Variants in CDK14 observed in about 807,000 individuals in gnomAD.
CDK14 encodes the protein cyclin-dependent kinase 14.
In CDK14, 34 loss-of-function variants were observed where a neutral mutation model predicts 60.7. The observed-to-expected ratio is 0.56, with a 90% CI of 0.43 to 0.75. CDK14 has a LOEUF of 0.75. CDK14 is among the 30% of genes least tolerant of loss of function. CDK14 has a pLI of 0.00. For synonymous variants in CDK14, 197 were observed against 203.7 expected (o/e 0.97, Z 0.28); for missense variants, 482 against 564.1 (o/e 0.85, Z 1.47).
chr7:90,832,487 A>G (rs1789945719), intron 5 of CDK14, among the ~76,000 whole-genome samples: 1 of 152,154 alleles, frequency 6.6e-6, no homozygotes, highest in African/African-American at 2.4e-5. Context: ...ACATTAGACA[A>G]TTTAGTTTTT....
chr7:90,659,779 A>G (rs944157401), intron 2 of CDK14, among the ~76,000 whole-genome samples: 15 of 152,010 alleles, frequency 9.9e-5, no homozygotes, highest in Middle Eastern at 6.8e-3. Context: ...AGTAATTCAG[A>G]AAGAGCTCAG....
chr7:90,730,352 A>G (rs906119909), intron 3 of CDK14, among the ~76,000 whole-genome samples: 123 of 152,162 alleles, frequency 8.1e-4, no homozygotes, highest in African/African-American at 2.8e-3. Context: ...ATGATTTACA[A>G]TCCTTTGGGT....
intron 7 of CDK14, among the ~76,000 whole-genome samples, chr7:90,903,789 G>A (rs938390112): frequency 6.6e-6 from 1 of 152,206 alleles, no homozygotes; most frequent in African/African-American, 2.4e-5. Context: ...ATTATACATT[G>A]TATGATTGTA....
chr7:90,807,186 C>CAGA (rs1788882029), intron 5 of CDK14, among the ~76,000 whole-genome samples: 1 of 152,200 alleles, frequency 6.6e-6, no homozygotes, highest in African/African-American at 2.4e-5. Flanking sequence ...GGGTCCCTGA[C>CAGA]CCCCGAGTAG....
rs1396571764 is a variant in CDK14 at position 90,744,712 on chromosome 7, G to A, written c.370-2969G>A. 4.1e-3 allele frequency among the ~76,000 whole-genome samples: 418 copies of A among 101,300 alleles called. 46 individuals are homozygous for A. The highest frequency in any genetic ancestry group is 6.5e-3 in the Non-Finnish European group (288 of 44,390). 66.5% of individuals were successfully genotyped at this position (101,300 alleles called of 152,430 possible). The stretch of plus-strand genomic sequence containing the variant: ...GGGCTCCTCACTTCCCAGTAGGGGC[G>A]GCCGGGCAGAGGCGCCCCTCACCTC... On this transcript the variant is annotated intron_variant, in intron 3 of 14. Coordinates refer to ENST00000380050, the MANE Select transcript of CDK14 (RefSeq NM_001287135.2).
intron 14 of CDK14, among the ~76,000 whole-genome samples, chr7:91,152,083 A>C (rs1325344979): frequency 2.6e-5 from 4 of 152,214 alleles, no homozygotes; most frequent in Non-Finnish European, 4.4e-5. Flanking sequence ...TGTGGTTACA[A>C]CTTCTCCAAA....
At chr7:90,874,176 C>A (rs529158674) in intron 6 of CDK14, among the ~76,000 whole-genome samples, 5 of 152,004 alleles carry the variant, frequency 3.3e-5, no homozygotes, top group Non-Finnish European at 7.4e-5. Context: ...GTGGTTTTGT[C>A]TTGAGGAAGA....
intron 5 of CDK14, among the ~76,000 whole-genome samples, chr7:90,808,089 C>G (rs901013047): frequency 5.9e-5 from 9 of 152,200 alleles, no homozygotes; most frequent in Admixed American, 4.6e-4. Flanking sequence ...GGCAGGCCAA[C>G]GTTCAAATTC....
intron 2 of CDK14, among the ~76,000 whole-genome samples, chr7:90,650,047 A>G (rs540640939): frequency 2.0e-5 from 3 of 152,136 alleles, no homozygotes; most frequent in Non-Finnish European, 2.9e-5. Context: ...GTCTTCCACA[A>G]TGGTTGAACT....
chr7:90,708,474 A>G (rs2116635044), intron 2 of CDK14, among the ~76,000 whole-genome samples: 1 of 152,334 alleles, frequency 6.6e-6, no homozygotes, highest in East Asian at 1.9e-4. Context: ...TTTGTTGAAG[A>G]TGAAAGTATG....
chr7:90,814,443 GT>G (rs1321899613), intron 5 of CDK14, among the ~76,000 whole-genome samples: 1 of 151,998 alleles, frequency 6.6e-6, no homozygotes, highest in African/African-American at 2.4e-5. Context: ...CAAAATACTT[GT>G]TTAGCGAGAG....
At chr7:90,862,634 A>G (rs1335099893) in intron 5 of CDK14, among the ~76,000 whole-genome samples, 4 of 152,214 alleles carry the variant, frequency 2.6e-5, no homozygotes, top group Admixed American at 2.0e-4. Context: ...TATTAATAGA[A>G]GAACTCAATG....
chr7:90,835,980 G>T (rs1790081671), intron 5 of CDK14, among the ~76,000 whole-genome samples: 1 of 152,104 alleles, frequency 6.6e-6, no homozygotes, highest in Non-Finnish European at 1.5e-5. Flanking sequence ...AAGGTGCAGT[G>T]AAAATACAGT....
At chr7:90,998,558 C>A (rs1795749193) in intron 10 of CDK14, among the ~76,000 whole-genome samples, 2 of 152,172 alleles carry the variant, frequency 1.3e-5, no homozygotes, top group South Asian at 4.1e-4. Flanking sequence ...AGTCCATTTT[C>A]TGTTGCTGTA....
chr7:91,184,336 G>A (rs1370449196), intron 14 of CDK14, among the ~76,000 whole-genome samples: 1 of 148,510 alleles, frequency 6.7e-6, no homozygotes, highest in Non-Finnish European at 1.5e-5. Flanking sequence ...GTAGAAATAT[G>A]TAAGAAAACA....
chr7:90,926,794 G>A (rs1306108247), intron 8 of CDK14, among the ~76,000 whole-genome samples: 1 of 152,104 alleles, frequency 6.6e-6, no homozygotes, highest in African/African-American at 2.4e-5. Flanking sequence ...GACTACCTCC[G>A]CTTTGAATGC....
chr7:91,189,664 G>A (rs1400692649), intron 14 of CDK14, among the ~76,000 whole-genome samples: 1 of 152,108 alleles, frequency 6.6e-6, no homozygotes, highest in East Asian at 1.9e-4. Context: ...AAACACAAAA[G>A]TAGAATGCTG....
chr7:90,929,251 C>G (rs1793516744), intron 8 of CDK14, among the ~76,000 whole-genome samples: 1 of 152,186 alleles, frequency 6.6e-6, no homozygotes, highest in African/African-American at 2.4e-5. Context: ...GAACGTGGTA[C>G]CTCAGTTGGA....
intron 10 of CDK14, among the ~76,000 whole-genome samples, chr7:91,013,656 G>GGTTTTTTTTT (rs1562868451): frequency 8.1e-6 from 1 of 123,384 alleles, no homozygotes; most frequent in Non-Finnish European, 1.7e-5. Context: ...CATTGCCTCT[G>GGTTTTTTTTT]TTTTTTTTTT....
Sources: gnomAD v4.1 joint callset for allele counts (sites outside exome capture counted in the v4.1 genomes callset) on GRCh38, gnomAD v4.1.1 for gene constraint, MANE v1.5 for transcripts, NCBI Gene and HGNC (gene_info 2026-07-23, HGNC 2026-07-21) for gene names.